MAGI1: variants seen among roughly 807,000 people sequenced by gnomAD.
The protein encoded by MAGI1 is membrane associated guanylate kinase, WW and PDZ domain containing 1.
In MAGI1, 58 loss-of-function variants were observed where a neutral mutation model predicts 139.9. That is an observed-to-expected ratio of 0.41 (90% CI 0.34 to 0.52). MAGI1 has a LOEUF of 0.52. Ranked by LOEUF, MAGI1 falls within the 20% of genes least tolerant of loss-of-function variation. The pLI is 0.12. For synonymous variants in MAGI1, 812 were observed against 737.9 expected (o/e 1.10, Z -1.63); for missense variants, 1,874 against 1,901.6 (o/e 0.99, Z 0.27).
intron 1 of MAGI1, among the ~76,000 whole-genome samples, chr3:65,724,403 T>C (rs1056142087): frequency 1.3e-5 from 2 of 152,324 alleles, no homozygotes; most frequent in Middle Eastern, 6.8e-3. Flanking sequence ...AGCATAGCCA[T>C]AACTTCACCT....
chr3:65,707,075 T>C (rs952632277), intron 1 of MAGI1, among the ~76,000 whole-genome samples: 2 of 152,182 alleles, frequency 1.3e-5, no homozygotes, highest in Admixed American at 1.3e-4. Flanking sequence ...TGACAGCTCA[T>C]TGATCAAACA....
intron 1 of MAGI1, among the ~76,000 whole-genome samples, chr3:65,682,923 G>A (rs192269294): frequency 3.3e-5 from 5 of 152,174 alleles, no homozygotes; most frequent in South Asian, 4.2e-4. Context: ...GGATGGGGAC[G>A]GGGAAGGGGA....
At chr3:65,788,214 T>G (rs2039525214) in intron 1 of MAGI1, among the ~76,000 whole-genome samples, 1 of 152,190 alleles carries the variant, frequency 6.6e-6, no homozygotes, top group South Asian at 2.1e-4. Flanking sequence ...TACAAGTGCT[T>G]GAAGGTTTTT....
intron 1 of MAGI1, among the ~76,000 whole-genome samples, chr3:65,897,599 C>T (rs1168631040): frequency 1.4e-5 from 2 of 141,292 alleles, no homozygotes; most frequent in African/African-American, 4.9e-5. Flanking sequence ...ACATGTACCC[C>T]TATGTAACAA....
At chr3:65,463,514 T>A (rs968935245) in intron 5 of MAGI1, among the ~76,000 whole-genome samples, 1 of 151,858 alleles carries the variant, frequency 6.6e-6, no homozygotes, top group Admixed American at 6.6e-5. Context: ...CAGTATTTTA[T>A]TAAGGATTTT....
At chr3:65,724,368 G>C (rs571844569) in intron 1 of MAGI1, among the ~76,000 whole-genome samples, 3 of 152,300 alleles carry the variant, frequency 2.0e-5, no homozygotes, top group African/African-American at 7.2e-5. Context: ...TTCAGCATGG[G>C]ACTACCATTA....
At chr3:65,530,776 C>CGTATATATATATAT (rs1576210107) in intron 2 of MAGI1, among the ~76,000 whole-genome samples, 8 of 69,096 alleles carry the variant, frequency 1.2e-4, no homozygotes, top group East Asian at 9.1e-4. Flanking sequence ...TATATATACA[C>CGTATATATATATAT]ACATATATAT....
rs546661758 is a variant in MAGI1 at position 65,622,549 on chromosome 3, C to T, written c.314-461G>A. 2.6e-5 allele frequency among the ~76,000 whole-genome samples: 4 copies of T among 151,900 alleles called. No individual in the cohort carries two copies. In the South Asian group the frequency reaches 6.2e-4, roughly 24 times the overall value. On this transcript the variant is annotated intron_variant, in intron 1 of 22. Transcript: ENST00000402939. The stretch of plus-strand genomic sequence containing the variant: ...TCTTCAAATTTCCATGAATTTACTA[C>T]AGCTTTTTTTATTTTTTTAATTTTT...
intron 14 of MAGI1, among the ~76,000 whole-genome samples, chr3:65,389,066 A>G (rs1428464261): frequency 6.6e-6 from 1 of 151,860 alleles, no homozygotes; most frequent in Non-Finnish European, 1.5e-5. Context: ...GCTGGTCTCC[A>G]ACTCCTGACT....
intron 1 of MAGI1, among the ~76,000 whole-genome samples, chr3:65,820,552 T>C (rs1313383900): frequency 1.3e-5 from 2 of 152,142 alleles, no homozygotes; most frequent in South Asian, 2.1e-4. Context: ...CATGAGCCTA[T>C]GGTGTCACAA....
intron 1 of MAGI1, among the ~76,000 whole-genome samples, chr3:65,886,213 T>C (rs1180680728): frequency 6.6e-6 from 1 of 152,222 alleles, no homozygotes; most frequent in African/African-American, 2.4e-5. Context: ...ACACCAATTC[T>C]GCACAGAAAG....
intron 2 of MAGI1, among the ~76,000 whole-genome samples, chr3:65,616,384 C>A (rs1377645490): frequency 6.6e-6 from 1 of 152,132 alleles, no homozygotes; most frequent in African/African-American, 2.4e-5. Flanking sequence ...ACGCAACAAA[C>A]ATCTGTGGTT....
intron 1 of MAGI1, among the ~76,000 whole-genome samples, chr3:65,963,699 T>C (rs1488457580): frequency 6.6e-6 from 1 of 152,188 alleles, no homozygotes; most frequent in Non-Finnish European, 1.5e-5. Flanking sequence ...CTTATATGAT[T>C]TTAAAAGGGC....
chr3:65,423,115 G>A (rs1256737818), intron 12 of MAGI1, among the ~76,000 whole-genome samples: 2 of 152,088 alleles, frequency 1.3e-5, no homozygotes, highest in East Asian at 1.9e-4. Flanking sequence ...TTTGCTGATG[G>A]GAACATATAG....
At chr3:65,408,579 C>T (rs970064564) in intron 12 of MAGI1, among the ~76,000 whole-genome samples, 1 of 152,116 alleles carries the variant, frequency 6.6e-6, no homozygotes, top group African/African-American at 2.4e-5. Flanking sequence ...GACTGCAATC[C>T]AGTGGTTCTA....
In MAGI1 at chr3:65,501,142, A is replaced by C. The variant is rs142871004; in HGVS notation, c.431-7511T>G. Reference sequence around the variant, plus strand: ...CAAACTGCCTTTTGTGGTGAAACAGACATCTTATTTAATATGAAAAACCCC... The same window carrying C: ...CAAACTGCCTTTTGTGGTGAAACAGCCATCTTATTTAATATGAAAAACCCC... On this transcript the variant is annotated intron_variant, in intron 2 of 22. Transcript: ENST00000402939. Among the ~76,000 whole-genome samples the C allele has an allele frequency of 8.7e-3, 1,326 of 152,250 alleles. 8 individuals are homozygous for C. Among genetic ancestry groups the C allele is most frequent in the Non-Finnish European group, 0.012 (849 of 68,022 alleles).
At chr3:65,454,297 C>T (rs796957130) in intron 5 of MAGI1, among the ~76,000 whole-genome samples, 3 of 151,166 alleles carry the variant, frequency 2.0e-5, no homozygotes, top group Admixed American at 6.6e-5. Flanking sequence ...AACCAAACAC[C>T]GCATATTCTC....
intron 2 of MAGI1, among the ~76,000 whole-genome samples, chr3:65,572,872 T>C (rs138605715): frequency 1.8e-3 from 272 of 151,758 alleles, no homozygotes; most frequent in Non-Finnish European, 3.3e-3. Flanking sequence ...AACTAGATCA[T>C]AGGAACATTT....
intron 18 of MAGI1, among the ~76,000 whole-genome samples, chr3:65,367,248 G>T (rs1221180399): frequency 2.6e-5 from 4 of 152,128 alleles, no homozygotes; most frequent in African/African-American, 9.7e-5. Context: ...CTTGTGTGTT[G>T]TTGGTAGCCA....
Sources: allele counts gnomAD v4.1 joint callset (sites outside exome capture counted in the v4.1 genomes callset), GRCh38; gene constraint gnomAD v4.1.1; transcripts MANE v1.5; gene names NCBI Gene and HGNC (gene_info 2026-07-23, HGNC 2026-07-21).